Variants in FHIP1A observed in about 807,000 individuals in gnomAD.
FHIP1A encodes FHF complex subunit HOOK interacting protein 1A, also known as FHF complex subunit HOOK-interacting protein 1A.
FHIP1A carries 61 observed loss-of-function variants against 88.6 expected under a neutral mutation model. The observed-to-expected ratio is 0.69, with a 90% CI of 0.56 to 0.85. FHIP1A has a LOEUF of 0.85. Among genes scored for constraint, FHIP1A ranks in the 40% least tolerant of loss-of-function variants. The pLI is 0.00. For synonymous variants in FHIP1A, 478 were observed against 496.0 expected (o/e 0.96, Z 0.48); for missense variants, 1,154 against 1,273.5 (o/e 0.91, Z 1.43).
intron 7 of FHIP1A, among the ~76,000 whole-genome samples, chr4:151,599,615 G>C (rs920267003): frequency 6.6e-6 from 1 of 152,218 alleles, no homozygotes; most frequent in African/African-American, 2.4e-5. Context: ...GCCTGCCTTA[G>C]TATGCTTACT....
intron 2 of FHIP1A, among the ~76,000 whole-genome samples, chr4:151,465,252 G>A (rs976218295): frequency 1.3e-5 from 2 of 151,956 alleles, no homozygotes; most frequent in African/African-American, 4.8e-5. Flanking sequence ...ACACCTCTAC[G>A]CAAATAAACT....
intron 3 of FHIP1A, among the ~76,000 whole-genome samples, chr4:151,528,079 T>A (rs1400766113): frequency 6.6e-6 from 1 of 152,218 alleles, no homozygotes; most frequent in Non-Finnish European, 1.5e-5. Flanking sequence ...GTTTTTCTGC[T>A]TCTCCCCACC....
chr4:151,458,401 G>T (rs1729038171), intron 2 of FHIP1A, among the ~76,000 whole-genome samples: 1 of 152,140 alleles, frequency 6.6e-6, no homozygotes, highest in Admixed American at 6.6e-5. Context: ...GGTCTGCTGT[G>T]GTGTGAACAG....
At chr4:151,563,494 A>G (rs776327648) in intron 3 of FHIP1A, among the ~76,000 whole-genome samples, 3 of 152,192 alleles carry the variant, frequency 2.0e-5, no homozygotes, top group East Asian at 1.9e-4. Flanking sequence ...AACATTTTTG[A>G]CATCACGTAC....
intron 3 of FHIP1A, among the ~76,000 whole-genome samples, chr4:151,522,262 C>T (rs975093683): frequency 6.6e-6 from 1 of 152,176 alleles, no homozygotes; most frequent in Non-Finnish European, 1.5e-5. Context: ...ACTGTGGATA[C>T]AGGGTATGGG....
At chr4:151,530,841 C>A (rs1487062308) in intron 3 of FHIP1A, among the ~76,000 whole-genome samples, 1 of 152,132 alleles carries the variant, frequency 6.6e-6, no homozygotes, top group Non-Finnish European at 1.5e-5. Flanking sequence ...GGGGCAGGTA[C>A]AAAAACACTT....
chr4:151,413,897 T>C (rs1580536239), intron 1 of FHIP1A, among the ~76,000 whole-genome samples: 1 of 152,200 alleles, frequency 6.6e-6, no homozygotes, highest in African/African-American at 2.4e-5. Context: ...TTAAATGTTA[T>C]GCTCTTGGTC....
intron 7 of FHIP1A, among the ~76,000 whole-genome samples, chr4:151,610,074 A>T (rs1234529261): frequency 6.6e-6 from 1 of 152,180 alleles, no homozygotes; most frequent in African/African-American, 2.4e-5. Flanking sequence ...GACTACCAGG[A>T]TTGGTTTCCC....
intron 2 of FHIP1A, among the ~76,000 whole-genome samples, chr4:151,467,116 C>A (rs1201444711): frequency 1.3e-5 from 2 of 152,136 alleles, no homozygotes; most frequent in Admixed American, 6.5e-5. Context: ...CTAAAAGGAA[C>A]TTAAATAAAT....
chr4:151,536,415 C>A (rs1037633119), intron 3 of FHIP1A, among the ~76,000 whole-genome samples: 9 of 152,186 alleles, frequency 5.9e-5, no homozygotes, highest in African/African-American at 1.9e-4. Context: ...TGGGTCCCTT[C>A]TATTGCCCTC....
At chr4:151,557,432 T>C (rs943679354) in intron 3 of FHIP1A, among the ~76,000 whole-genome samples, 4 of 152,286 alleles carry the variant, frequency 2.6e-5, no homozygotes, top group East Asian at 1.9e-4. Flanking sequence ...TTCTCTTTTT[T>C]CCCCCTGTGC....
chr4:151,446,451 C>T (rs938289865), intron 1 of FHIP1A, among the ~76,000 whole-genome samples: 1 of 136,540 alleles, frequency 7.3e-6, no homozygotes, highest in South Asian at 2.2e-4. Context: ...TTCTTTCTTC[C>T]TTTCCTTTCC....
intron 3 of FHIP1A, among the ~76,000 whole-genome samples, chr4:151,508,717 C>A (rs144288382): frequency 3.5e-4 from 53 of 152,292 alleles, no homozygotes; most frequent in Non-Finnish European, 4.7e-4. Flanking sequence ...GGACTTGGAA[C>A]CCACTGAGTC....
At chr4:151,617,908 A>G (rs563835198) in intron 7 of FHIP1A, among the ~76,000 whole-genome samples, 1 of 152,210 alleles carries the variant, frequency 6.6e-6, no homozygotes, top group South Asian at 2.1e-4. Context: ...AAGTGTATTC[A>G]TCTGTTAGGT....
intron 7 of FHIP1A, among the ~76,000 whole-genome samples, chr4:151,626,095 A>G (rs1400330609): frequency 6.6e-6 from 1 of 152,270 alleles, no homozygotes; most frequent in East Asian, 1.9e-4. Context: ...AGCAAAGCAC[A>G]TATATTTAAT....
intron 3 of FHIP1A, among the ~76,000 whole-genome samples, chr4:151,517,277 G>A (rs548081228): frequency 6.6e-6 from 1 of 150,716 alleles, no homozygotes; most frequent in East Asian, 2.0e-4. Flanking sequence ...ACAGGAAGGG[G>A]AACATCACAT....
chr4:151,464,417 T>G (rs1321340832), intron 2 of FHIP1A, among the ~76,000 whole-genome samples: 1 of 152,228 alleles, frequency 6.6e-6, no homozygotes, highest in African/African-American at 2.4e-5. Context: ...GCCAAATGCC[T>G]CCATCATTTC....
intron 3 of FHIP1A, among the ~76,000 whole-genome samples, chr4:151,537,902 G>T: frequency 6.6e-6 from 1 of 152,114 alleles, no homozygotes; most frequent in East Asian, 1.9e-4. Flanking sequence ...CAGAATAGGG[G>T]CATCTGAGTC....
Position 151,490,924 on chromosome 4 carries a change from T to C in FHIP1A, c.-123+8276T>C, listed in dbSNP as rs1200768733. Among the ~76,000 whole-genome samples the C allele has an allele frequency of 3.3e-5, 5 of 152,060 alleles. No individual in the cohort carries two copies. The East Asian group carries it at 7.7e-4, about 24-fold the overall frequency. On this transcript the variant is annotated intron_variant, in intron 3 of 13. Transcript: ENST00000435205. ...AGACCTTGAAGACAAGGCTTTTGAATTAACCATCTGACAAAGACTAAGAAA... is the reference window on the plus strand; with the variant it reads ...AGACCTTGAAGACAAGGCTTTTGAACTAACCATCTGACAAAGACTAAGAAA...
Sources: allele counts gnomAD v4.1 joint callset (sites outside exome capture counted in the v4.1 genomes callset), GRCh38; gene constraint gnomAD v4.1.1; transcripts MANE v1.5; gene names NCBI Gene and HGNC (gene_info 2026-07-23, HGNC 2026-07-21).